Variants in TRPM7 observed in about 807,000 individuals in gnomAD.
TRPM7 encodes the protein transient receptor potential cation channel subfamily M member 7.
A neutral mutation model predicts 229.7 loss-of-function variants in TRPM7; 134 were observed. That is an observed-to-expected ratio of 0.58 (90% CI 0.51 to 0.67). The LOEUF is 0.67. TRPM7 is among the 30% of genes least tolerant of loss of function. The pLI is 0.00. For synonymous variants in TRPM7, 699 were observed against 715.2 expected, an observed-to-expected ratio of 0.98 and a Z score of 0.36; for missense variants, 1,901 against 2,210.0, an observed-to-expected ratio of 0.86 and a Z score of 2.80.
chr15:50,584,656 T>C (rs1251015516), intron 28 of TRPM7, among the ~76,000 whole-genome samples: 3 of 151,656 alleles, frequency 2.0e-5, no homozygotes, highest in African/African-American at 7.3e-5. Flanking sequence ...ATTTGCATTA[T>C]ACTCACCCAG....
intron 29 of TRPM7, among the ~76,000 whole-genome samples, chr15:50,581,965 T>G (rs2054435375): frequency 6.6e-6 from 1 of 152,150 alleles, no homozygotes; most frequent in Admixed American, 6.5e-5. Context: ...TAACTCCCAC[T>G]GAGTGGGGTT....
At chr15:50,643,043 G>A (rs1185253265) in intron 5 of TRPM7, among the ~76,000 whole-genome samples, 3 of 152,156 alleles carry the variant, frequency 2.0e-5, no homozygotes, top group African/African-American at 7.2e-5. Flanking sequence ...TGTAATCCCA[G>A]CATTTTGGGA....
chr15:50,654,186 A>G (rs2061495773), intron 3 of TRPM7, among the ~76,000 whole-genome samples: 1 of 152,104 alleles, frequency 6.6e-6, no homozygotes, highest in Non-Finnish European at 1.5e-5. Flanking sequence ...GCAGTGACTC[A>G]CACCATCCCA....
rs1402690956 is a variant in TRPM7, at chr15:50,560,585, TTTC to T, written c.*1090_*1092del. On this transcript the variant is annotated 3_prime_UTR_variant, in exon 39 of 39. Transcript: ENST00000646667. ...AAGCATAAAACTTAGATGAAAAGCT[TTTC>T]TTGTTATTGTTGAATATTCAACAAT... The T allele has an allele frequency of 1.1e-4, 16 of 152,202 alleles. No individual in the cohort carries two copies. Among genetic ancestry groups the T allele is most frequent in the African/African-American group, 3.6e-4 (15 of 41,444 alleles). 9.4% of individuals were successfully genotyped at this position (152,202 alleles called of 1,614,324 possible).
Position 50,632,912 on chromosome 15 carries a change from T to C in TRPM7, c.1088A>G (p.His363Arg). 1 of 1,596,242 alleles carries C rather than the reference T, an allele frequency of 6.3e-7. No individual in the cohort carries two copies. Among genetic ancestry groups the C allele is most frequent in the Non-Finnish European group, 8.5e-7 (1 of 1,173,254 alleles). Residue 363 changes from histidine (H) to arginine (R), a missense_variant, in exon 9 of 39, where the codon CAT becomes CGT. By Grantham distance (29) the His-to-Arg change is conservative (BLOSUM62 0). Around this residue, in one of 8 missense-constraint regions of TRPM7, gnomAD observed 794 missense variants for 881.9 expected, o/e 0.90. Coordinates refer to ENST00000646667, the MANE Select transcript of TRPM7 (RefSeq NM_017672.6). ...GCACTCCATCAGTGTTTGAAATAAA[T>C]GAAGTGCTTCATTCTGGCCAAAGTT... ...TFNFGQNEAL[H>R]LFQTLMECMK... is the part of the protein sequence containing the mutation.
intron 2 of TRPM7, among the ~76,000 whole-genome samples, chr15:50,661,944 G>A (rs940565806): frequency 6.6e-6 from 1 of 152,124 alleles, no homozygotes; most frequent in African/African-American, 2.4e-5. Context: ...TTTGCTGGGT[G>A]CGGTGGCTCA....
intron 2 of TRPM7, among the ~76,000 whole-genome samples, chr15:50,660,448 C>G (rs1284843617): frequency 1.3e-5 from 2 of 152,010 alleles, no homozygotes; most frequent in Admixed American, 1.3e-4. Flanking sequence ...AGGTCAGGAG[C>G]TCGAGACCAG....
intron 27 of TRPM7, 78 bp downstream of exon 27, chr15:50,589,514 G>A (rs983714870): frequency 9.7e-7 from 1 of 1,030,014 alleles, no homozygotes. Context: ...CTGAAAAAAT[G>A]TTTAATTAAA....
intron 9 of TRPM7, among the ~76,000 whole-genome samples, chr15:50,631,916 T>C (rs540965459): frequency 1.2e-3 from 188 of 152,256 alleles, no homozygotes; most frequent in African/African-American, 4.4e-3. Flanking sequence ...GAAAGATAAA[T>C]GTTTGTTTTG....
chr15:50,628,234 G>A lies in TRPM7; in HGVS notation c.1220C>T (p.Ala407Val). ...TALLKGTNAS[A>V]FDQLILTLAW... ...CAATGTAAGGATAAGCTGGTCAAATGCAGATGCATTAGTACCTAATCGAAT... is the reference window on the plus strand; with the variant it reads ...CAATGTAAGGATAAGCTGGTCAAATACAGATGCATTAGTACCTAATCGAAT... The change falls in exon 11 of 39, where the codon GCA becomes GTA. Residue 407 changes from alanine (A) to valine (V), a missense_variant. By Grantham distance (64) the Ala-to-Val change is moderately conservative (BLOSUM62 0). This residue lies in a region of TRPM7 where 794 missense variants were observed against 881.9 expected (regional missense o/e 0.90). Coordinates refer to ENST00000646667, the MANE Select transcript of TRPM7 (RefSeq NM_017672.6). 6.2e-7 allele frequency: 1 copy of A among 1,611,664 alleles called. No individual in the cohort carries two copies. Among genetic ancestry groups the A allele is most frequent in the Non-Finnish European group, 8.5e-7 (1 of 1,178,472 alleles).
intron 5 of TRPM7, 70 bp from the exon 6 acceptor site, chr15:50,639,618 G>A (rs368233964): frequency 7.0e-7 from 1 of 1,431,752 alleles, no homozygotes; most frequent in South Asian, 1.3e-5. Context: ...CCAGGAAAGA[G>A]AGCAGTGGCG....
At position 50,686,608 on chromosome 15, in the gene TRPM7, G is replaced by C. The variant is rs1244222439; in HGVS notation, c.-75C>G. 5 of 1,582,038 alleles carry C rather than the reference G, an allele frequency of 3.2e-6. No homozygotes were observed. The highest frequency in any genetic ancestry group is 3.4e-6 in the Non-Finnish European group (4 of 1,165,290). ...CTCCGCGGCCTGTAGCCATCTATCG[G>C]GAAGCGTCTCCGGAGGCGGCAGCAG... On this transcript the variant is annotated 5_prime_UTR_variant, in exon 1 of 39. Transcript: ENST00000646667.
At chr15:50,567,283 C>T (rs1596051496) in intron 38 of TRPM7, among the ~76,000 whole-genome samples, 1 of 152,022 alleles carries the variant, frequency 6.6e-6, no homozygotes, top group South Asian at 2.1e-4. Context: ...CCCATCAACT[C>T]GTCATTTAGC....
intron 1 of TRPM7, among the ~76,000 whole-genome samples, chr15:50,676,330 A>G (rs1323212448): frequency 6.6e-6 from 1 of 152,120 alleles, no homozygotes; most frequent in African/African-American, 2.4e-5. Context: ...ACATTCTATG[A>G]TTATATATAT....
At chr15:50,641,093 T>C (rs1023220510) in intron 5 of TRPM7, among the ~76,000 whole-genome samples, 2 of 152,212 alleles carry the variant, frequency 1.3e-5, no homozygotes, top group African/African-American at 2.4e-5. Context: ...AGCATCTTCG[T>C]AGGTCTTTCA....
At chr15:50,680,144 G>A (rs1013418259) in intron 1 of TRPM7, among the ~76,000 whole-genome samples, 2 of 152,064 alleles carry the variant, frequency 1.3e-5, no homozygotes, top group African/African-American at 4.8e-5. Context: ...TGACAGAGGA[G>A]AATCACTTGA....
At chr15:50,636,598 T>C (rs1210137788) in intron 7 of TRPM7, among the ~76,000 whole-genome samples, 2 of 152,138 alleles carry the variant, frequency 1.3e-5, no homozygotes, top group Admixed American at 6.6e-5. Context: ...CTTCCTGGGG[T>C]CCTTAGGTTA....
At chr15:50,680,006 G>A (rs1182939417) in intron 1 of TRPM7, among the ~76,000 whole-genome samples, 1 of 129,528 alleles carries the variant, frequency 7.7e-6, no homozygotes, top group East Asian at 2.4e-4. Context: ...GGCCAAGGTG[G>A]GTGGATCACT....
intron 1 of TRPM7, among the ~76,000 whole-genome samples, chr15:50,663,302 A>AT (rs1257445918): frequency 1.3e-5 from 2 of 152,056 alleles, no homozygotes; most frequent in South Asian, 4.2e-4. Context: ...ATAATTTTGT[A>AT]TTTTTTTAGT....
Sources: allele counts gnomAD v4.1 joint callset (sites outside exome capture counted in the v4.1 genomes callset), GRCh38; gene constraint gnomAD v4.1.1; regional missense constraint gnomAD v4.1.1; transcripts MANE v1.5; gene names NCBI Gene and HGNC (gene_info 2026-07-23, HGNC 2026-07-21).